The following SGCD variants were observed in gnomAD, a reference collection of about 807,000 sequenced individuals.
SGCD encodes the protein delta-sarcoglycan.
SGCD carries 18 observed loss-of-function variants against 36.6 expected under a neutral mutation model. The observed-to-expected ratio is 0.49, with a 90% confidence interval of 0.34 to 0.73. The LOEUF is 0.73. SGCD is among the 30% of genes least tolerant of loss of function. The probability of loss-of-function intolerance (pLI) is 0.01; values close to 1 mark genes in which losing one functional copy is unlikely to be tolerated. For missense variants in SGCD, 387 were observed against 346.7 expected, an observed-to-expected ratio of 1.12 and a Z score of -0.92; for synonymous variants, 133 against 130.6, an observed-to-expected ratio of 1.02 and a Z score of -0.12.
chr5:156,734,666 G>C (rs1476217250), intron 7 of SGCD, among the ~76,000 whole-genome samples: 1 of 151,896 alleles, frequency 6.6e-6, no homozygotes, highest in African/African-American at 2.4e-5. Flanking sequence ...GTTAATACTT[G>C]TTATTGCATT....
intron 3 of SGCD, among the ~76,000 whole-genome samples, chr5:156,379,625 A>G (rs1770872847): frequency 6.6e-6 from 1 of 152,186 alleles, no homozygotes; most frequent in Admixed American, 6.6e-5. Flanking sequence ...TATTTAAAGC[A>G]TCTGTCTGGC....
At chr5:156,595,338 C>A (rs955128793) in intron 6 of SGCD, among the ~76,000 whole-genome samples, 1 of 152,114 alleles carries the variant, frequency 6.6e-6, no homozygotes, top group Non-Finnish European at 1.5e-5. Context: ...GGAATAGGAG[C>A]CTCACCAGAA....
the SGCD span, among the ~76,000 whole-genome samples, chr5:155,824,661 G>T: frequency 2.0e-5 from 3 of 152,088 alleles, no homozygotes; most frequent in Non-Finnish European, 2.9e-5. Context: ...TGGGAAATTG[G>T]TTATTTCATC....
chr5:156,516,893 G>T (rs903571008), intron 4 of SGCD, among the ~76,000 whole-genome samples: 22 of 152,250 alleles, frequency 1.4e-4, no homozygotes, highest in East Asian at 3.9e-4. Context: ...GCTACTCAGG[G>T]AGGCTGAGGC....
intron 4 of SGCD, among the ~76,000 whole-genome samples, chr5:156,524,115 T>TGTAGTTTTATGTAAAACC (rs1561754022): frequency 6.2e-4 from 31 of 50,326 alleles, no homozygotes; most frequent in Non-Finnish European, 1.1e-3. Context: ...TATATATATA[T>TGTAGTTTTATGTAAAACC]ATATATATAT....
intron 1 of SGCD, among the ~76,000 whole-genome samples, chr5:156,076,550 C>A (rs1241162409): frequency 1.3e-5 from 2 of 152,126 alleles, no homozygotes; most frequent in Non-Finnish European, 2.9e-5. Context: ...AACTCTGAAG[C>A]CAGCCTCTGG....
intron 3 of SGCD, among the ~76,000 whole-genome samples, chr5:156,300,263 A>G (rs569824754): frequency 2.6e-5 from 4 of 152,068 alleles, no homozygotes; most frequent in Non-Finnish European, 5.9e-5. Context: ...TTATAGCTAT[A>G]AACTCTCCTC....
chr5:155,763,199 T>G, the SGCD span, among the ~76,000 whole-genome samples: 1 of 152,320 alleles, frequency 6.6e-6, no homozygotes. Flanking sequence ...AGTACTGAAT[T>G]TTCTAATTTC....
intron 1 of SGCD, among the ~76,000 whole-genome samples, chr5:155,974,781 G>A (rs908609246): frequency 1.3e-5 from 2 of 151,872 alleles, no homozygotes; most frequent in African/African-American, 4.8e-5. Flanking sequence ...AGTGTAGGGC[G>A]GACAGTGGAC....
intron 1 of SGCD, among the ~76,000 whole-genome samples, chr5:156,085,950 T>C (rs1761081486): frequency 6.6e-6 from 1 of 152,256 alleles, no homozygotes. Context: ...TTGTTTCCCA[T>C]GTTTGTCTCT....
intron 1 of SGCD, among the ~76,000 whole-genome samples, chr5:155,939,644 CA>C (rs70981990): frequency 0.25 from 31,782 of 126,782 alleles, 4,300 homozygotes; most frequent in Admixed American, 0.42. Flanking sequence ...GACTCTCTCT[CA>C]AAAAAAAAAA....
At chr5:155,755,346 G>T in the SGCD span, among the ~76,000 whole-genome samples, 2 of 152,142 alleles carry the variant, frequency 1.3e-5, no homozygotes, top group Non-Finnish European at 2.9e-5. Flanking sequence ...CCTAGGACTT[G>T]ATGTTTTATT....
rs1219456219 is a variant in SGCD at position 156,508,639 on chromosome 5, A to G, written c.231A>G (p.Leu77=). 1 of 1,612,194 alleles carries G rather than the reference A, an allele frequency of 6.2e-7. No individual in the cohort carries two copies. Among genetic ancestry groups the G allele is most frequent in the Non-Finnish European group, 8.5e-7 (1 of 1,178,478 alleles). The change falls in exon 4 of 9, where the codon CTA becomes CTG. Residue 77 remains leucine, a synonymous_variant. Transcript: ENST00000337851. ...ACCTGAGGATCACAGAAAAAGGTCT[A>G]AAGCTAGAAGGAGACTCTGAATTCT... ...MGNLRITEKG[L]KLEGDSEFLQ...
intron 1 of SGCD, among the ~76,000 whole-genome samples, chr5:156,046,228 T>C (rs750527682): frequency 6.6e-6 from 1 of 152,128 alleles, no homozygotes; most frequent in Non-Finnish European, 1.5e-5. Context: ...AGAATATCTA[T>C]AGAAGATGCA....
intron 1 of SGCD, among the ~76,000 whole-genome samples, chr5:155,929,997 A>G (rs915254098): frequency 6.6e-6 from 1 of 152,130 alleles, no homozygotes; most frequent in Non-Finnish European, 1.5e-5. Context: ...ACAGGGTCCT[A>G]CAGATTGAAC....
the SGCD span, among the ~76,000 whole-genome samples, chr5:155,850,515 G>T: frequency 6.6e-6 from 1 of 152,090 alleles, no homozygotes; most frequent in Non-Finnish European, 1.5e-5. Context: ...AAAGGATGGT[G>T]AATTGAAAAA....
At chr5:156,519,115 A>G (rs1757302545) in intron 4 of SGCD, among the ~76,000 whole-genome samples, 1 of 152,112 alleles carries the variant, frequency 6.6e-6, no homozygotes, top group South Asian at 2.1e-4. Context: ...ATAAGAGAAG[A>G]ATCAGATAGA....
intron 1 of SGCD, among the ~76,000 whole-genome samples, chr5:155,951,558 T>A (rs1386096310): frequency 1.3e-5 from 2 of 152,228 alleles, no homozygotes; most frequent in Non-Finnish European, 2.9e-5. Context: ...TTTTTGTGCA[T>A]GCCTAATTAT....
intron 1 of SGCD, among the ~76,000 whole-genome samples, chr5:156,085,383 T>C (rs1230444738): frequency 1.3e-5 from 2 of 152,110 alleles, no homozygotes; most frequent in Non-Finnish European, 2.9e-5. Flanking sequence ...GAGATCTGGT[T>C]GTTTTACAGT....
Sources: allele counts gnomAD v4.1 joint callset (sites outside exome capture counted in the v4.1 genomes callset), GRCh38; gene constraint gnomAD v4.1.1; transcripts MANE v1.5; gene names NCBI Gene and HGNC (gene_info 2026-07-23, HGNC 2026-07-21).